SLC38A8: variants seen among roughly 807,000 people sequenced by gnomAD.
SLC38A8 encodes solute carrier family 38 member 8, also known as amino acid transporter SLC38A8.
A neutral mutation model predicts 46.0 loss-of-function variants in SLC38A8; 65 were observed. The observed-to-expected ratio is 1.41, with a 90% CI of 1.16 to 1.74. SLC38A8 has a LOEUF of 1.74. Ranked by LOEUF, SLC38A8 falls within the 40% of genes most tolerant of loss-of-function variation. SLC38A8 has a pLI of 0.00. For synonymous variants in SLC38A8, 447 were observed against 243.7 expected (o/e 1.83, Z -7.77); for missense variants, 998 against 567.9 (o/e 1.76, Z -7.70).
chr16:84,040,816 G>A (rs1220623316), intron 2 of SLC38A8, among the ~76,000 whole-genome samples: 1 of 152,194 alleles, frequency 6.6e-6, no homozygotes, highest in African/African-American at 2.4e-5. Flanking sequence ...ACCATCTGAA[G>A]CTGATGACAT....
At chr16:84,020,143 T>C (rs1188910427) in intron 7 of SLC38A8, among the ~76,000 whole-genome samples, 1 of 47,396 alleles carries the variant, frequency 2.1e-5, no homozygotes. Context: ...CATCCGTTGT[T>C]TTTTTTTTTT....
intron 2 of SLC38A8, among the ~76,000 whole-genome samples, chr16:84,040,548 T>C (rs2085356008): frequency 6.6e-6 from 1 of 152,142 alleles, no homozygotes; most frequent in Non-Finnish European, 1.5e-5. Context: ...TGCCCGGGGA[T>C]TGGCCACAAC....
intron 6 of SLC38A8, among the ~76,000 whole-genome samples, chr16:84,028,035 A>G (rs1252126602): frequency 6.7e-6 from 1 of 148,870 alleles, no homozygotes; most frequent in East Asian, 2.0e-4. Context: ...AGAAATGGAA[A>G]TGTTTCAAGA....
intron 6 of SLC38A8, among the ~76,000 whole-genome samples, chr16:84,027,097 A>T (rs2085173094): frequency 6.6e-6 from 1 of 152,238 alleles, no homozygotes; most frequent in Non-Finnish European, 1.5e-5. Flanking sequence ...CACGCCTGTA[A>T]TCCCAGCACT....
chr16:84,033,287 G>C (rs564252031), intron 4 of SLC38A8, 41 bp downstream of exon 4: 1 of 1,613,126 alleles, frequency 6.2e-7, no homozygotes, highest in African/African-American at 1.3e-5. Flanking sequence ...CAAACACTCA[G>C]CAAGGTGGGG....
At chr16:84,015,690 C>G (rs2085017062) in intron 9 of SLC38A8, among the ~76,000 whole-genome samples, 1 of 152,076 alleles carries the variant, frequency 6.6e-6, no homozygotes, top group Non-Finnish European at 1.5e-5. Flanking sequence ...TAATAAAGAC[C>G]TACCAGGGAC....
At position 84,039,753 on chromosome 16, in the gene SLC38A8, A is replaced by C. The variant is rs1390448717; in HGVS notation, c.189+2216T>G. 6.0e-5 allele frequency among the ~76,000 whole-genome samples: 7 copies of C among 115,960 alleles called. No homozygotes were observed. In the South Asian group the frequency reaches 1.5e-3, roughly 25 times the overall value. The allele number at this position is 115,960 out of a possible 152,430, so 76.1% of individuals were successfully genotyped here. On this transcript the variant is annotated intron_variant, in intron 2 of 10. Transcript: ENST00000299709. ...AGAGAGTGAGACCTTCAAAAAAAAAAAAAAAAAAAAAAAAAGGCAGGGGAA... is the reference window on the plus strand; with the variant it reads ...AGAGAGTGAGACCTTCAAAAAAAAACAAAAAAAAAAAAAAAGGCAGGGGAA...
intron 6 of SLC38A8, among the ~76,000 whole-genome samples, chr16:84,024,620 A>C (rs897688395): frequency 9.9e-5 from 15 of 152,076 alleles, no homozygotes; most frequent in Non-Finnish European, 2.9e-5. Flanking sequence ...GTCTCTACTA[A>C]AAGTATAAAA....
chr16:84,028,769 C>T (rs778418637), intron 6 of SLC38A8, among the ~76,000 whole-genome samples: 6 of 151,216 alleles, frequency 4.0e-5, no homozygotes, highest in African/African-American at 4.9e-5. Context: ...GCCTGGGGCC[C>T]GCTCACATCG....
intron 9 of SLC38A8, among the ~76,000 whole-genome samples, chr16:84,013,342 G>A (rs1006123429): frequency 6.6e-6 from 1 of 152,052 alleles, no homozygotes; most frequent in East Asian, 1.9e-4. Context: ...GAGTCTATGA[G>A]GAGATGGTGA....
chr16:84,030,174 G>A (rs2085221200), intron 5 of SLC38A8, among the ~76,000 whole-genome samples: 1 of 152,152 alleles, frequency 6.6e-6, no homozygotes, highest in South Asian at 2.1e-4. Flanking sequence ...AAGACCCAGT[G>A]ATCCGTCTAT....
intron 9 of SLC38A8, among the ~76,000 whole-genome samples, chr16:84,014,941 C>T (rs994915326): frequency 3.8e-5 from 5 of 132,738 alleles, no homozygotes; most frequent in Non-Finnish European, 7.4e-5. Context: ...AACAATGTTT[C>T]GTTTCATGCC....
Position 84,016,502 on chromosome 16 carries a change from G to A in SLC38A8, c.1162+17C>T, listed in dbSNP as rs2085027097. On this transcript the variant is annotated intron_variant, in intron 9 of 10. Coordinates refer to ENST00000299709, the MANE Select transcript of SLC38A8 (RefSeq NM_001080442.3). ...GAAGAACAAGTGGGCAGAAAGCCTG[G>A]AAAGCAGGGGCCTCACCTGGGAAGA... 2 of 1,611,258 alleles carry A rather than the reference G, an allele frequency of 1.2e-6. No individual in the cohort carries two copies. Among genetic ancestry groups the A allele is most frequent in the Non-Finnish European group, 1.7e-6 (2 of 1,178,044 alleles).
chr16:84,029,463 C>T, intron 6 of SLC38A8, 31 bp downstream of exon 6: 1 of 1,612,688 alleles, frequency 6.2e-7, no homozygotes, highest in Non-Finnish European at 8.5e-7. Context: ...TCTGCAAACG[C>T]CACAGGCTGC....
At chr16:84,023,979 G>T (rs996801310) in intron 6 of SLC38A8, among the ~76,000 whole-genome samples, 9 of 152,176 alleles carry the variant, frequency 5.9e-5, no homozygotes, top group Non-Finnish European at 1.3e-4. Flanking sequence ...CTACACCAGG[G>T]TTTCTCAGCC....
intron 3 of SLC38A8, among the ~76,000 whole-genome samples, chr16:84,034,649 T>C (rs1265703347): frequency 2.0e-5 from 3 of 152,148 alleles, no homozygotes; most frequent in African/African-American, 2.4e-5. Context: ...AATGAATGCA[T>C]GTGAGAATAG....
At chr16:84,036,630 C>A (rs2085302078) in intron 3 of SLC38A8, 72 bp downstream of exon 3, 1 of 1,559,898 alleles carries the variant, frequency 6.4e-7, no homozygotes, top group African/African-American at 1.4e-5. Flanking sequence ...ACGTCCTGCT[C>A]AACTGGAAAC....
intron 2 of SLC38A8, 29 bp downstream of exon 2, chr16:84,041,940 T>G (rs2085371551): frequency 6.5e-7 from 1 of 1,536,320 alleles, no homozygotes; most frequent in Non-Finnish European, 8.8e-7. Context: ...CTCGTACCCG[T>G]CCCCAGGACT....
At chr16:84,021,353 C>G (rs141606430) in intron 7 of SLC38A8, among the ~76,000 whole-genome samples, 1 of 152,208 alleles carries the variant, frequency 6.6e-6, no homozygotes, top group Admixed American at 6.5e-5. Context: ...GAGTGAGCCA[C>G]GGCACCCGGC....
Sources: allele counts gnomAD v4.1 joint callset (sites outside exome capture counted in the v4.1 genomes callset), GRCh38; gene constraint gnomAD v4.1.1; transcripts MANE v1.5; gene names NCBI Gene and HGNC (gene_info 2026-07-23, HGNC 2026-07-21).